The following HPSE2 variants were observed in gnomAD, a reference collection of about 807,000 sequenced individuals.
HPSE2 encodes heparanase 2 (inactive), also known as inactive heparanase-2.
A neutral mutation model predicts 60.5 loss-of-function variants in HPSE2; 38 were observed. The observed-to-expected ratio is 0.63, with a 90% CI of 0.48 to 0.82. The LOEUF is 0.82. Ranked by LOEUF, HPSE2 falls within the 40% of genes least tolerant of loss-of-function variation. The pLI, the probability that HPSE2 is intolerant of heterozygous loss-of-function variation, is 0.00. For synonymous variants in HPSE2, 295 were observed against 293.2 expected, an observed-to-expected ratio of 1.01 and a Z score of -0.06; for missense variants, 713 against 740.4, an observed-to-expected ratio of 0.96 and a Z score of 0.43.
chr10:98,803,075 T>G (rs12219774), intron 3 of HPSE2, among the ~76,000 whole-genome samples: 5,215 of 150,922 alleles, frequency 0.035, 198 homozygotes, highest in East Asian at 0.15. Context: ...TGGCCAGTGA[T>G]GGTGAGCATT....
intron 3 of HPSE2, among the ~76,000 whole-genome samples, chr10:98,989,712 T>C (rs965084981): frequency 1.3e-5 from 2 of 152,152 alleles, no homozygotes; most frequent in African/African-American, 2.4e-5. Flanking sequence ...GGTCTCCATG[T>C]GGCGAAGCAG....
At chr10:98,999,490 C>A (rs1283685686) in intron 3 of HPSE2, among the ~76,000 whole-genome samples, 2 of 152,154 alleles carry the variant, frequency 1.3e-5, no homozygotes, top group African/African-American at 4.8e-5. Context: ...CATTCATGTG[C>A]AGACTAGAAG....
At chr10:99,245,213 C>T in the HPSE2 span, among the ~76,000 whole-genome samples, 2 of 152,152 alleles carry the variant, frequency 1.3e-5, no homozygotes, top group African/African-American at 4.8e-5. Context: ...GGGATTCTCA[C>T]CCCTGGCTGC....
At chr10:99,021,687 G>A (rs989333423) in intron 3 of HPSE2, among the ~76,000 whole-genome samples, 17 of 151,992 alleles carry the variant, frequency 1.1e-4, no homozygotes, top group Non-Finnish European at 2.2e-4. Flanking sequence ...TTTCTTCTCT[G>A]ATGTCCTTAG....
intron 7 of HPSE2, among the ~76,000 whole-genome samples, chr10:98,630,307 T>C (rs769116230): frequency 4.6e-5 from 7 of 151,732 alleles, no homozygotes; most frequent in East Asian, 3.9e-4. Flanking sequence ...ACGCCATTCT[T>C]CTGCCTCAGC....
chr10:98,725,928 A>C (rs897955235), intron 4 of HPSE2, among the ~76,000 whole-genome samples: 34 of 152,222 alleles, frequency 2.2e-4, no homozygotes, highest in Non-Finnish European at 4.1e-4. Context: ...AATCAAAATC[A>C]CAATGAGATA....
At chr10:99,003,820 A>C (rs1436834705) in intron 3 of HPSE2, among the ~76,000 whole-genome samples, 1 of 151,998 alleles carries the variant, frequency 6.6e-6, no homozygotes, top group Non-Finnish European at 1.5e-5. Context: ...GAAACTTTTT[A>C]GTTTGATATA....
intron 3 of HPSE2, among the ~76,000 whole-genome samples, chr10:98,987,956 C>G (rs1488322981): frequency 1.3e-5 from 2 of 152,180 alleles, no homozygotes; most frequent in African/African-American, 4.8e-5. Flanking sequence ...AGCACCTCTT[C>G]AAGGAGAACT....
chr10:98,661,122 G>A (rs963046877), intron 6 of HPSE2, among the ~76,000 whole-genome samples: 2 of 152,086 alleles, frequency 1.3e-5, no homozygotes, highest in Non-Finnish European at 2.9e-5. Context: ...TGCTCCCCTG[G>A]GAATCACAAG....
At chr10:98,524,008 T>C (rs886410491) in intron 9 of HPSE2, among the ~76,000 whole-genome samples, 8 of 152,218 alleles carry the variant, frequency 5.3e-5, no homozygotes, top group African/African-American at 1.9e-4. Context: ...GAAGGATTTC[T>C]GCTCCACCTG....
chr10:99,268,101 T>C, the HPSE2 span, among the ~76,000 whole-genome samples: 1 of 152,146 alleles, frequency 6.6e-6, no homozygotes, highest in South Asian at 2.1e-4. Flanking sequence ...AACAGAGATT[T>C]CTCAGCAGAA....
chr10:98,937,987 G>A lies in HPSE2; in HGVS notation c.611-193931C>T, dbSNP rs1954860042. Among the ~76,000 whole-genome samples, 4 of 143,898 alleles carry A rather than the reference G, an allele frequency of 2.8e-5. No individual in the cohort carries two copies. The South Asian group carries it at 8.4e-4, about 30-fold the overall frequency. The allele number at this position is 143,898 out of a possible 152,430, so 94.4% of individuals were successfully genotyped here. ...GATACCCAGGCAAACAGGGTCTGGA[G>A]TGGACCTCTAGCAAACTCCAACAGA... On this transcript the variant is annotated intron_variant, in intron 3 of 11. Transcript: ENST00000370552.
intron 3 of HPSE2, among the ~76,000 whole-genome samples, chr10:98,745,029 C>T (rs1046533698): frequency 6.6e-6 from 1 of 152,042 alleles, no homozygotes; most frequent in African/African-American, 2.4e-5. Context: ...GGTGAAACCC[C>T]GTCTCTGTTA....
intron 3 of HPSE2, among the ~76,000 whole-genome samples, chr10:99,114,075 A>G (rs1844577932): frequency 8.6e-6 from 1 of 115,970 alleles, no homozygotes; most frequent in African/African-American, 2.5e-5. Flanking sequence ...TAAACTAATC[A>G]ATTAGGAAAA....
At chr10:99,007,811 G>A (rs1385751922) in intron 3 of HPSE2, among the ~76,000 whole-genome samples, 1 of 152,174 alleles carries the variant, frequency 6.6e-6, no homozygotes, top group Non-Finnish European at 1.5e-5. Flanking sequence ...TCACATCTGA[G>A]AAAGCAGGAG....
intron 3 of HPSE2, among the ~76,000 whole-genome samples, chr10:99,024,074 G>A (rs961307499): frequency 6.6e-6 from 1 of 152,052 alleles, no homozygotes; most frequent in African/African-American, 2.4e-5. Flanking sequence ...GCTGTGTGAG[G>A]AAACTCAAAG....
chr10:98,832,836 G>T (rs1339236246), intron 3 of HPSE2, among the ~76,000 whole-genome samples: 1 of 152,174 alleles, frequency 6.6e-6, no homozygotes. Context: ...AATATTATGT[G>T]ACTTCTCCAT....
chr10:98,846,325 A>G (rs1312479556), intron 3 of HPSE2, among the ~76,000 whole-genome samples: 1 of 152,214 alleles, frequency 6.6e-6, no homozygotes, highest in Non-Finnish European at 1.5e-5. Flanking sequence ...GAAAAGCAAA[A>G]TACTCTATTT....
the HPSE2 span, among the ~76,000 whole-genome samples, chr10:99,309,630 G>A: frequency 6.6e-6 from 1 of 152,188 alleles, no homozygotes; most frequent in African/African-American, 2.4e-5. Context: ...ATTCATTTAT[G>A]TACTGTCTAT....
Sources: allele counts gnomAD v4.1 joint callset (sites outside exome capture counted in the v4.1 genomes callset), GRCh38; gene constraint gnomAD v4.1.1; transcripts MANE v1.5; gene names NCBI Gene and HGNC (gene_info 2026-07-23, HGNC 2026-07-21).